CCDC171: variants seen among roughly 807,000 people sequenced by gnomAD.
CCDC171 encodes the protein coiled-coil domain containing 171.
Under a neutral mutation model 168.2 loss-of-function variants are expected in CCDC171, and 177 were observed. The observed-to-expected ratio is 1.05, with a 90% CI of 0.93 to 1.19. The LOEUF (loss-of-function observed/expected upper bound fraction) is 1.19, where lower values mean the gene tolerates loss of function less well. CCDC171 is among the 50% of genes most tolerant of loss of function. The pLI, the probability that CCDC171 is intolerant of heterozygous loss-of-function variation, is 0.00. For missense variants in CCDC171, 1,991 were observed against 1,539.0 expected, an observed-to-expected ratio of 1.29 and a Z score of -4.91; for synonymous variants, 687 against 540.8, an observed-to-expected ratio of 1.27 and a Z score of -3.75.
In CCDC171 at chr9:15,696,826, A is replaced by T. The variant is rs115727722; in HGVS notation, c.1318+1489A>T. 5.5e-3 allele frequency among the ~76,000 whole-genome samples: 839 copies of T among 152,222 alleles called. 6 individuals are homozygous for T. Among genetic ancestry groups the T allele is most frequent in the African/African-American group, 0.02 (820 of 41,536 alleles). The stretch of plus-strand genomic sequence containing the variant: ...AATTTTAATTTTTATTCTTTTATTA[A>T]CCATCCTTTTTTATCTTTATCTTCC... On this transcript the variant is annotated intron_variant, in intron 11 of 25. Transcript: ENST00000380701.
chr9:15,971,992 C>A lies in CCDC171; in HGVS notation c.*156C>A. ...TGATGTATTCTGGTAGCTCTGTCTC[C>A]TTGAATAAGGAAATAGCCAACTTTT... On this transcript the variant is annotated 3_prime_UTR_variant, in exon 26 of 26. Coordinates refer to ENST00000380701, the MANE Select transcript of CCDC171 (RefSeq NM_173550.4). 1.8e-6 allele frequency: 1 copy of A among 569,910 alleles called. No homozygotes were observed. Among genetic ancestry groups the A allele is most frequent in the South Asian group, 2.9e-5 (1 of 34,878 alleles). 35.3% of individuals were successfully genotyped at this position (569,910 alleles called of 1,614,324 possible).
intron 11 of CCDC171, among the ~76,000 whole-genome samples, chr9:15,716,292 T>G (rs905883597): frequency 1.1e-4 from 17 of 152,334 alleles, no homozygotes; most frequent in Middle Eastern, 6.8e-3. Flanking sequence ...GAAAAGCTAA[T>G]TATGATCACT....
At chr9:16,023,377 T>C (rs1192218535) in intron 6 of CCDC171, among the ~76,000 whole-genome samples, 1 of 152,260 alleles carries the variant, frequency 6.6e-6, no homozygotes, top group Non-Finnish European at 1.5e-5. Context: ...CAAATTTATT[T>C]TTCTGTATTT....
At chr9:15,634,362 G>C (rs1043983920) in intron 7 of CCDC171, among the ~76,000 whole-genome samples, 1 of 152,022 alleles carries the variant, frequency 6.6e-6, no homozygotes, top group Non-Finnish European at 1.5e-5. Flanking sequence ...AGGGATATCT[G>C]CTAGTTTCAG....
chr9:15,891,112 G>C (rs1189784683), intron 24 of CCDC171, among the ~76,000 whole-genome samples: 1 of 152,038 alleles, frequency 6.6e-6, no homozygotes, highest in Non-Finnish European at 1.5e-5. Context: ...TAGCACCTCT[G>C]TCCAAATTAA....
intron 25 of CCDC171, among the ~76,000 whole-genome samples, chr9:15,951,109 C>G (rs1191346598): frequency 1.3e-5 from 2 of 150,140 alleles, no homozygotes; most frequent in Non-Finnish European, 3.0e-5. Flanking sequence ...TACAGGAGCA[C>G]CCAGATTCAT....
intron 6 of CCDC171, among the ~76,000 whole-genome samples, chr9:15,602,647 C>CTTTTTTTTTT (rs1161286304): frequency 7.6e-4 from 23 of 30,456 alleles, no homozygotes; most frequent in East Asian, 3.7e-3. Flanking sequence ...TTTTTTTTTT[C>CTTTTTTTTTT]TTTTTTTTTT....
intron 1 of CCDC171, among the ~76,000 whole-genome samples, chr9:16,048,250 C>T (rs10733306): frequency 0.38 from 58,110 of 152,114 alleles, 13,845 homozygotes; most frequent in East Asian, 0.72. Context: ...TGGCTGAACT[C>T]GTGGGAAACG....
At chr9:15,821,902 C>G (rs2059787532) in intron 21 of CCDC171, among the ~76,000 whole-genome samples, 1 of 49,242 alleles carries the variant, frequency 2.0e-5, no homozygotes, top group South Asian at 5.9e-4. Context: ...AAGAACAAAG[C>G]TGGAGGCATC....
At chr9:15,691,410 A>G (rs1256109760) in intron 10 of CCDC171, among the ~76,000 whole-genome samples, 1 of 150,928 alleles carries the variant, frequency 6.6e-6, no homozygotes, top group Non-Finnish European at 1.5e-5. Context: ...ATTGTGAATA[A>G]AACTTACCTG....
At chr9:15,586,852 G>A (rs1455532255) in intron 4 of CCDC171, among the ~76,000 whole-genome samples, 1 of 152,054 alleles carries the variant, frequency 6.6e-6, no homozygotes, top group Non-Finnish European at 1.5e-5. Context: ...TTGTTGCCCA[G>A]GCTGGAGGGC....
At chr9:15,994,936 A>C (rs1564108472) in intron 3 of CCDC171, among the ~76,000 whole-genome samples, 2 of 151,984 alleles carry the variant, frequency 1.3e-5, no homozygotes, top group African/African-American at 2.4e-5. Flanking sequence ...TTCAAAGTGG[A>C]CTCCTTCAAA....
At chr9:15,707,760 T>C (rs922206646) in intron 11 of CCDC171, among the ~76,000 whole-genome samples, 13 of 152,264 alleles carry the variant, frequency 8.5e-5, no homozygotes, top group African/African-American at 1.4e-4. Context: ...TTTCATCTTG[T>C]TATCCTTATT....
At chr9:15,558,066 C>T (rs1382615553) in intron 1 of CCDC171, among the ~76,000 whole-genome samples, 1 of 152,116 alleles carries the variant, frequency 6.6e-6, no homozygotes, top group South Asian at 2.1e-4. Flanking sequence ...GTTGAACCAG[C>T]CTTCCATCCC....
At chr9:15,616,472 T>A (rs1458420460) in intron 6 of CCDC171, among the ~76,000 whole-genome samples, 1 of 152,016 alleles carries the variant, frequency 6.6e-6, no homozygotes, top group Non-Finnish European at 1.5e-5. Flanking sequence ...AAATACTATA[T>A]AAAATAGTTT....
Position 15,563,988 on chromosome 9 carries a change from A to T in CCDC171, c.-101A>T. The T allele has an allele frequency of 1.2e-6, 1 of 843,266 alleles. No homozygotes were observed. The highest frequency in any genetic ancestry group is 2.5e-5 in the East Asian group (1 of 40,066). The allele number at this position is 843,266 out of a possible 1,614,324, so 52.2% of individuals were successfully genotyped here. A position where few individuals can be genotyped will look rare whatever the true frequency, so the allele number is the denominator to read the frequency against. ...TTACTATTTTAACAGACCTCAAATC[A>T]TCTAACGTGAAGCCACAGACATCTT... On this transcript the variant is annotated 5_prime_UTR_variant, in exon 2 of 26. Transcript: ENST00000380701.
At chr9:16,010,997 C>T (rs969387070) in intron 3 of CCDC171, among the ~76,000 whole-genome samples, 5 of 152,098 alleles carry the variant, frequency 3.3e-5, no homozygotes, top group African/African-American at 1.2e-4. Flanking sequence ...CTGATTTATT[C>T]AGTTAAAAGA....
intron 21 of CCDC171, among the ~76,000 whole-genome samples, chr9:15,838,557 AG>A (rs1165638290): frequency 6.6e-6 from 1 of 152,230 alleles, no homozygotes; most frequent in East Asian, 1.9e-4. Flanking sequence ...CAAAGTTCAT[AG>A]AAAACATTAA....
intron 24 of CCDC171, among the ~76,000 whole-genome samples, chr9:15,879,151 A>T (rs1387634601): frequency 6.6e-6 from 1 of 152,228 alleles, no homozygotes; most frequent in African/African-American, 2.4e-5. Flanking sequence ...AAATTCTGCC[A>T]TTCAGACACA....
Sources: allele counts gnomAD v4.1 joint callset (sites outside exome capture counted in the v4.1 genomes callset), GRCh38; gene constraint gnomAD v4.1.1; transcripts MANE v1.5; gene names NCBI Gene and HGNC (gene_info 2026-07-23, HGNC 2026-07-21).